Variants in CRHR1 observed in about 807,000 individuals in gnomAD.
CRHR1 encodes the protein corticotropin releasing hormone receptor 1.
A neutral mutation model predicts 56.0 loss-of-function variants in CRHR1; 28 were observed. That is an observed-to-expected ratio of 0.50 (90% CI 0.37 to 0.69). The LOEUF is 0.69. Ranked by LOEUF, CRHR1 falls within the 30% of genes least tolerant of loss-of-function variation. The pLI is 0.00. For missense variants in CRHR1, 376 were observed against 548.0 expected (o/e 0.69, Z 3.13); for synonymous variants, 195 against 216.5 (o/e 0.90, Z 0.87).
chr17:45,824,671 G>T (rs1390182989), intron 4 of CRHR1, among the ~76,000 whole-genome samples: 2 of 152,168 alleles, frequency 1.3e-5, no homozygotes, highest in Non-Finnish European at 2.9e-5. Context: ...ATTGCAGTGG[G>T]AATAGCACGG....
intron 4 of CRHR1, among the ~76,000 whole-genome samples, chr17:45,828,955 G>A (rs997395914): frequency 3.9e-5 from 6 of 152,214 alleles, no homozygotes; most frequent in Admixed American, 1.3e-4. Context: ...TCCATGTGGA[G>A]TGGGGAATCC....
In CRHR1 at chr17:45,834,884, A is replaced by G. The variant is rs1234274357; in HGVS notation, c.*120A>G. On this transcript the variant is annotated 3_prime_UTR_variant, in exon 13 of 13. Coordinates refer to ENST00000314537, the MANE Select transcript of CRHR1 (RefSeq NM_004382.5). ...GTCTCATGCCCACTCCCCCAGGAGC[A>G]GCTGGCACTGACAGCCTGGGGGGGC... The G allele has an allele frequency of 2.9e-6, 4 of 1,382,708 alleles. No individual in the cohort carries two copies. Among genetic ancestry groups the G allele is most frequent in the African/African-American group, 2.8e-5 (2 of 70,222 alleles). 85.7% of individuals were successfully genotyped at this position (1,382,708 alleles called of 1,614,324 possible).
chr17:45,793,222 G>A (rs919617647), intron 1 of CRHR1, among the ~76,000 whole-genome samples: 1 of 152,258 alleles, frequency 6.6e-6, no homozygotes, highest in Non-Finnish European at 1.5e-5. Flanking sequence ...CCTGTGTTCC[G>A]CCTCCGGTCC....
At chr17:45,816,025 G>A (rs866578873) in intron 2 of CRHR1, among the ~76,000 whole-genome samples, 14 of 152,214 alleles carry the variant, frequency 9.2e-5, no homozygotes, top group South Asian at 2.1e-4. Context: ...TTGCAGAGAC[G>A]TGAGGGGCTA....
At chr17:45,822,744 G>A (rs1048806935) in intron 4 of CRHR1, among the ~76,000 whole-genome samples, 3 of 151,760 alleles carry the variant, frequency 2.0e-5, no homozygotes, top group African/African-American at 7.3e-5. Context: ...CCAGCTACAC[G>A]GGAGGCTGAG....
chr17:45,793,508 C>T (rs1181836114), intron 1 of CRHR1, among the ~76,000 whole-genome samples: 5 of 152,192 alleles, frequency 3.3e-5, no homozygotes, highest in African/African-American at 1.2e-4. Flanking sequence ...CAGGAGTAGC[C>T]AGGCAAGGCA....
intron 1 of CRHR1, among the ~76,000 whole-genome samples, chr17:45,793,552 T>G (rs1251813013): frequency 6.6e-6 from 1 of 152,170 alleles, no homozygotes; most frequent in Non-Finnish European, 1.5e-5. Context: ...CCTGGTACCT[T>G]CGTGAGATCC....
Position 45,833,523 on chromosome 17 carries a change from G to A in CRHR1, c.915G>A (p.Glu305=). 1.2e-6 allele frequency: 2 copies of A among 1,613,944 alleles called. No individual in the cohort carries two copies. Among genetic ancestry groups the A allele is most frequent in the Non-Finnish European group, 1.7e-6 (2 of 1,179,984 alleles). The stretch of plus-strand genomic sequence containing the variant: ...AGCTCCGGGCATCCACCACGTCTGA[G>A]ACCATTCAGTACAGGTAACCGGGTA... ...MTKLRASTTS[E]TIQYRKAVKA... is the part of the protein sequence containing the mutation. The change falls in exon 10 of 13, where the codon GAG becomes GAA. Residue 305 remains glutamate (E), a synonymous_variant. Transcript: ENST00000314537.
At chr17:45,833,322 G>A in intron 9 of CRHR1, 112 bp downstream of exon 9, 3 of 1,451,740 alleles carry the variant, frequency 2.1e-6, no homozygotes, top group East Asian at 2.3e-5. Context: ...CCAAAGAGGG[G>A]GCATGGGTCA....
chr17:45,788,657 G>A (rs1598392038), intron 1 of CRHR1, among the ~76,000 whole-genome samples: 1 of 152,228 alleles, frequency 6.6e-6, no homozygotes. Flanking sequence ...TTCAGAAAAA[G>A]CTGCAAGGTG....
At chr17:45,830,249 G>T (rs2062268401) in intron 6 of CRHR1, 35 bp downstream of exon 6, 1 of 1,611,254 alleles carries the variant, frequency 6.2e-7, no homozygotes, top group African/African-American at 1.3e-5. Context: ...AGCAGGTCAG[G>T]CCAAACCCAG....
At chr17:45,826,098 A>G (rs1168480545) in intron 4 of CRHR1, 1 of 152,250 alleles carries the variant, frequency 6.6e-6, no homozygotes, top group Non-Finnish European at 1.5e-5. Flanking sequence ...CTGGATGGAG[A>G]TGGAGTGCTG....
chr17:45,814,925 T>C (rs1286870822), intron 2 of CRHR1, among the ~76,000 whole-genome samples: 6 of 152,270 alleles, frequency 3.9e-5, no homozygotes, highest in African/African-American at 1.4e-4. Context: ...GAGTCCTGAT[T>C]TGCACAAATG....
At chr17:45,787,150 T>G (rs1453442192) in intron 1 of CRHR1, among the ~76,000 whole-genome samples, 1 of 151,910 alleles carries the variant, frequency 6.6e-6, no homozygotes, top group Non-Finnish European at 1.5e-5. Flanking sequence ...AGTTACAGAG[T>G]CCTGGGGGAA....
At chr17:45,833,009 G>A (rs2062349196) in intron 8 of CRHR1, 129 bp from the exon 9 acceptor site, 12 of 777,382 alleles carry the variant, frequency 1.5e-5, no homozygotes, top group Non-Finnish European at 2.7e-5. Context: ...CCTTCTGCCA[G>A]GGTTGGAATT....
chr17:45,806,670 T>G (rs1474740620), intron 1 of CRHR1, among the ~76,000 whole-genome samples: 1 of 152,088 alleles, frequency 6.6e-6, no homozygotes, highest in Non-Finnish European at 1.5e-5. Context: ...TGGACCATGT[T>G]CAGGATTCCA....
chr17:45,829,380 GGA>G, intron 5 of CRHR1, 59 bp downstream of exon 5: 1 of 1,506,718 alleles, frequency 6.6e-7, no homozygotes, highest in Non-Finnish European at 9.2e-7. Flanking sequence ...GAAGCAGGGT[GGA>G]GAAGTGAGAG....
chr17:45,830,263 A>G lies in CRHR1; in HGVS notation c.555+49A>G, dbSNP rs1179613262. 3 of 1,604,756 alleles carry G rather than the reference A, an allele frequency of 1.9e-6. No individual in the cohort carries two copies. In the Admixed American group the frequency reaches 5.1e-5, roughly 27 times the overall value. ...GAGCAGGTCAGGCCAAACCCAGGTC[A>G]GAGGAGGGGCCCGCCTGCCCTGCAG... On this transcript the variant is annotated intron_variant, in intron 6 of 12. Coordinates refer to ENST00000314537, the MANE Select transcript of CRHR1 (RefSeq NM_004382.5).
intron 6 of CRHR1, 32 bp from the exon 7 acceptor site, chr17:45,830,385 A>C: frequency 6.3e-7 from 1 of 1,591,068 alleles, no homozygotes; most frequent in Non-Finnish European, 8.6e-7. Flanking sequence ...CCTGCCCCCC[A>C]TCATCATCTC....
Sources: gnomAD v4.1 joint callset for allele counts (sites outside exome capture counted in the v4.1 genomes callset) on GRCh38, gnomAD v4.1.1 for gene constraint, MANE v1.5 for transcripts, NCBI Gene and HGNC (gene_info 2026-07-23, HGNC 2026-07-21) for gene names.